CNST: variants seen among roughly 807,000 people sequenced by gnomAD.
The protein encoded by CNST is consortin, connexin sorting protein.
In CNST, 39 loss-of-function variants were observed where a neutral mutation model predicts 72.4. That is an observed-to-expected ratio of 0.54 (90% confidence interval 0.42 to 0.70). CNST has a LOEUF of 0.70. Among genes scored for constraint, CNST ranks in the 30% least tolerant of loss-of-function variants. CNST has a pLI of 0.00. For missense variants in CNST, 871 were observed against 868.5 expected, an observed-to-expected ratio of 1.00 and a Z score of -0.04; for synonymous variants, 332 against 320.1, an observed-to-expected ratio of 1.04 and a Z score of -0.40.
chr1:246,618,913 T>C (rs1407972175), intron 2 of CNST, among the ~76,000 whole-genome samples: 1 of 152,192 alleles, frequency 6.6e-6, no homozygotes, highest in African/African-American at 2.4e-5. Flanking sequence ...CTGTCCTTTT[T>C]CCTTAACTTT....
chr1:246,580,985 C>G (rs192839289), intron 1 of CNST, among the ~76,000 whole-genome samples: 1 of 152,292 alleles, frequency 6.6e-6, no homozygotes, highest in African/African-American at 2.4e-5. Flanking sequence ...GTGATCCCCC[C>G]ACCTTGGCTT....
chr1:246,599,743 T>C (rs1662145067), intron 2 of CNST, among the ~76,000 whole-genome samples: 2 of 152,328 alleles, frequency 1.3e-5, no homozygotes, highest in South Asian at 4.1e-4. Context: ...TTATTCTGCC[T>C]ACCACAAAAA....
At chr1:246,648,473 CTAAAGAA>C (rs1202384598) in intron 9 of CNST, among the ~76,000 whole-genome samples, 2 of 151,462 alleles carry the variant, frequency 1.3e-5, no homozygotes, top group Non-Finnish European at 2.9e-5. Context: ...TTAAAATAGT[CTAAAGAA>C]TAGAGGGAAC....
At position 246,584,828 on chromosome 1, in the gene CNST, A is replaced by G. The variant is rs543207240; in HGVS notation, c.-51-6684A>G. ...CCTGCCTCCGGTATATGGATCTCCT[A>G]TGAGTCTGTTTCTGCTGTTTTTTTC... On this transcript the variant is annotated intron_variant, in intron 1 of 10. Coordinates refer to ENST00000366513, the MANE Select transcript of CNST (RefSeq NM_152609.3). 2.5e-4 allele frequency among the ~76,000 whole-genome samples: 38 copies of G among 152,144 alleles called. 1 individual carries two copies. Among genetic ancestry groups the G allele is most frequent in the South Asian group, 1.0e-3 (5 of 4,820 alleles).
chr1:246,658,564 GAT>G (rs902528899), intron 9 of CNST, among the ~76,000 whole-genome samples: 1 of 152,082 alleles, frequency 6.6e-6, no homozygotes, highest in African/African-American at 2.4e-5. Context: ...AAAGCCCTAA[GAT>G]ATAAAAAGAA....
At chr1:246,586,067 G>T (rs1469849265) in intron 1 of CNST, among the ~76,000 whole-genome samples, 1 of 150,308 alleles carries the variant, frequency 6.7e-6, no homozygotes, top group Non-Finnish European at 1.5e-5. Flanking sequence ...GGGACAAAGT[G>T]AGACCATGTC....
At chr1:246,659,323 G>A (rs188738667) in intron 9 of CNST, among the ~76,000 whole-genome samples, 25 of 152,278 alleles carry the variant, frequency 1.6e-4, no homozygotes, top group East Asian at 9.6e-4. Flanking sequence ...GGCCGGGTGC[G>A]GTGGCTCACA....
At chr1:246,659,475 G>A (rs796114600) in intron 9 of CNST, among the ~76,000 whole-genome samples, 7 of 152,180 alleles carry the variant, frequency 4.6e-5, no homozygotes, top group African/African-American at 7.2e-5. Flanking sequence ...GGTGCCTGTA[G>A]TCCCAGCTAC....
chr1:246,645,029 G>C (rs780749368), intron 8 of CNST, among the ~76,000 whole-genome samples: 2 of 152,164 alleles, frequency 1.3e-5, no homozygotes, highest in African/African-American at 2.4e-5. Context: ...GAGAAGGAAG[G>C]CTGTATTCTC....
intron 1 of CNST, among the ~76,000 whole-genome samples, chr1:246,586,141 G>GTGTGTGTA (rs1488972688): frequency 4.1e-4 from 60 of 145,168 alleles, no homozygotes; most frequent in African/African-American, 1.2e-3. Flanking sequence ...GTGTGTGTGT[G>GTGTGTGTA]TATATATTAC....
chr1:246,665,670 A>G lies in CNST; in HGVS notation c.1973-30A>G, dbSNP rs189265638. 1.7e-5 allele frequency: 27 copies of G among 1,586,772 alleles called. No homozygotes were observed. The East Asian group carries it at 5.6e-4, about 33-fold the overall frequency. ...TGCTAAGATTTCCATTTCGGTGACA[A>G]TGTAACCTCACTCTTTCTCATGTTT... On this transcript the variant is annotated intron_variant, in intron 10 of 10. Transcript: ENST00000366513.
chr1:246,665,636 G>A (rs1208489817), intron 10 of CNST, 64 bp from the exon 11 acceptor site: 1 of 1,332,402 alleles, frequency 7.5e-7, no homozygotes, highest in Non-Finnish European at 1.1e-6. Context: ...TTAGTGAAAA[G>A]ACAGCAGATG....
At chr1:246,645,514 G>A (rs921464462) in intron 8 of CNST, among the ~76,000 whole-genome samples, 1,487 of 140,966 alleles carry the variant, frequency 0.011, 21 homozygotes, top group African/African-American at 0.038. Context: ...AGCAAGCTCC[G>A]CCTCCCGGGT....
chr1:246,617,755 ACAC>A (rs1349106363), intron 2 of CNST, among the ~76,000 whole-genome samples: 2 of 152,232 alleles, frequency 1.3e-5, no homozygotes, highest in Admixed American at 1.3e-4. Flanking sequence ...GAAACTAAGA[ACAC>A]CATATTTTAA....
chr1:246,639,997 A>G (rs1266766879), intron 6 of CNST, among the ~76,000 whole-genome samples: 4 of 152,108 alleles, frequency 2.6e-5, no homozygotes, highest in African/African-American at 9.7e-5. Context: ...TATCTTGCTG[A>G]TGTGCACTTG....
chr1:246,610,951 C>T (rs1663276191), intron 2 of CNST, among the ~76,000 whole-genome samples: 1 of 152,226 alleles, frequency 6.6e-6, no homozygotes, highest in Non-Finnish European at 1.5e-5. Context: ...CCCCTCCGCC[C>T]GCTTGGCCGT....
At chr1:246,593,069 T>C (rs1246004267) in intron 2 of CNST, among the ~76,000 whole-genome samples, 2 of 152,264 alleles carry the variant, frequency 1.3e-5, no homozygotes, top group Non-Finnish European at 2.9e-5. Context: ...TCTTCTGTTC[T>C]CTTCTTTGGT....
rs377578322 is a variant in CNST, at chr1:246,654,547, G to C, written c.1837-5652G>C. On this transcript the variant is annotated intron_variant, in intron 9 of 10. Transcript: ENST00000366513. ...TCCTGTCTAGCTGTAATCTCTCTCT[G>C]TTATCGTAAGACGCACACATACTGT... Among the ~76,000 whole-genome samples, 49 of 152,318 alleles carry C rather than the reference G, an allele frequency of 3.2e-4. No homozygotes were observed. In the South Asian group the frequency reaches 9.3e-3, roughly 29 times the overall value.
intron 5 of CNST, 75 bp from the exon 6 acceptor site, chr1:246,634,398 T>C: frequency 1.3e-6 from 1 of 793,670 alleles, no homozygotes; most frequent in Non-Finnish European, 2.0e-6. Flanking sequence ...GTGGTGCTAG[T>C]TAACTGTTTG....
Sources: gnomAD v4.1 joint callset for allele counts (sites outside exome capture counted in the v4.1 genomes callset) on GRCh38, gnomAD v4.1.1 for gene constraint, MANE v1.5 for transcripts, NCBI Gene and HGNC (gene_info 2026-07-23, HGNC 2026-07-21) for gene names.